The following NAV2 variants were observed in gnomAD, a reference collection of about 807,000 sequenced individuals.
The protein encoded by NAV2 is neuron navigator 2, also known as helicase, APC down-regulated 1.
In NAV2, 54 loss-of-function variants were observed where a neutral mutation model predicts 223.2. The observed-to-expected ratio is 0.24, with a 90% CI of 0.19 to 0.30. NAV2 has a LOEUF of 0.30. Ranked by LOEUF, NAV2 falls within the 10% of genes least tolerant of loss-of-function variation. NAV2 has a pLI of 1.00. For synonymous variants in NAV2, 1,279 were observed against 1,239.3 expected (o/e 1.03, Z -0.67); for missense variants, 2,806 against 3,147.5 (o/e 0.89, Z 2.60).
intron 1 of NAV2, among the ~76,000 whole-genome samples, chr11:19,555,839 ACCCAGCCCCAGC>A (rs776233000): frequency 2.0e-5 from 3 of 150,286 alleles, no homozygotes; most frequent in Admixed American, 1.3e-4. Context: ...CCTCGAGCCC[ACCCAGCCCCAGC>A]CCCAGCCCCA....
At chr11:19,771,010 G>A (rs567367435) in intron 1 of NAV2, among the ~76,000 whole-genome samples, 2 of 152,198 alleles carry the variant, frequency 1.3e-5, no homozygotes, top group Non-Finnish European at 2.9e-5. Flanking sequence ...ATGGTACAGT[G>A]GAAAGGGGTC....
intron 11 of NAV2, among the ~76,000 whole-genome samples, chr11:20,029,134 C>T (rs1448403373): frequency 6.6e-6 from 1 of 152,182 alleles, no homozygotes; most frequent in Admixed American, 6.5e-5. Context: ...TCCAGTGTGC[C>T]CACTTGCCTT....
chr11:19,918,409 T>G (rs1468937302), intron 6 of NAV2, among the ~76,000 whole-genome samples: 1 of 152,270 alleles, frequency 6.6e-6, no homozygotes, highest in Non-Finnish European at 1.5e-5. Context: ...AAATGAGAGT[T>G]GAGTCTGCAT....
intron 11 of NAV2, among the ~76,000 whole-genome samples, chr11:20,010,108 T>C (rs1054587809): frequency 2.6e-5 from 4 of 152,210 alleles, no homozygotes; most frequent in African/African-American, 9.6e-5. Flanking sequence ...AGCTCCAGTC[T>C]GTATAGCTCA....
chr11:19,768,233 T>C (rs921807360), intron 1 of NAV2, among the ~76,000 whole-genome samples: 20 of 152,272 alleles, frequency 1.3e-4, no homozygotes, highest in Non-Finnish European at 2.5e-4. Context: ...AGGCTGTTTT[T>C]TTCCATGTTC....
chr11:19,974,605 G>C (rs1454218439), intron 10 of NAV2, among the ~76,000 whole-genome samples: 1 of 152,174 alleles, frequency 6.6e-6, no homozygotes, highest in Non-Finnish European at 1.5e-5. Flanking sequence ...AATGTGGCAA[G>C]ACTCCATCTC....
At chr11:19,515,050 C>A (rs181429680) in intron 1 of NAV2, among the ~76,000 whole-genome samples, 2 of 152,092 alleles carry the variant, frequency 1.3e-5, no homozygotes, top group Non-Finnish European at 2.9e-5. Flanking sequence ...GTTTGGGTAC[C>A]GGCTCTGAAT....
chr11:19,587,425 T>G (rs1255932121), intron 1 of NAV2, among the ~76,000 whole-genome samples: 1 of 152,190 alleles, frequency 6.6e-6, no homozygotes, highest in East Asian at 1.9e-4. Flanking sequence ...ATGAACCTGG[T>G]ACTTCAGTTG....
At chr11:19,916,479 CTT>C (rs1339199412) in intron 6 of NAV2, among the ~76,000 whole-genome samples, 4 of 152,250 alleles carry the variant, frequency 2.6e-5, no homozygotes, top group Non-Finnish European at 5.9e-5. Flanking sequence ...TAGAACATCT[CTT>C]TTCAGTTTAA....
chr11:19,463,977 A>G (rs537771567), intron 1 of NAV2, among the ~76,000 whole-genome samples: 91 of 152,344 alleles, frequency 6.0e-4, no homozygotes, highest in South Asian at 1.7e-3. Context: ...GAACTGATAC[A>G]GATTAACCTG....
intron 1 of NAV2, among the ~76,000 whole-genome samples, chr11:19,430,353 C>G (rs1232521125): frequency 6.6e-6 from 1 of 152,216 alleles, no homozygotes; most frequent in African/African-American, 2.4e-5. Flanking sequence ...CTAAAGCTGA[C>G]CCGTTTGGTG....
At chr11:19,636,336 C>T (rs117270337) in intron 1 of NAV2, among the ~76,000 whole-genome samples, 1 of 152,256 alleles carries the variant, frequency 6.6e-6, no homozygotes, top group Non-Finnish European at 1.5e-5. Context: ...TGACTATACT[C>T]AAACCACCTT....
intron 24 of NAV2, 39 bp from the exon 25 acceptor site, chr11:20,080,025 A>G: frequency 6.2e-7 from 1 of 1,608,250 alleles, no homozygotes; most frequent in Non-Finnish European, 8.5e-7. Flanking sequence ...AATAGGGCTC[A>G]GGTTGGCAGC....
At chr11:19,620,286 A>G (rs1228935456) in intron 1 of NAV2, among the ~76,000 whole-genome samples, 2 of 152,106 alleles carry the variant, frequency 1.3e-5, no homozygotes, top group African/African-American at 2.4e-5. Context: ...GTTTTTTCCA[A>G]TTCTGTGAAA....
intron 1 of NAV2, among the ~76,000 whole-genome samples, chr11:19,417,115 G>A (rs1160756939): frequency 6.6e-6 from 1 of 152,158 alleles, no homozygotes; most frequent in Non-Finnish European, 1.5e-5. Context: ...TTAAACTAAA[G>A]AGCTTCTGCA....
rs11025311 is a variant in NAV2, at chr11:19,881,625, G to A, written c.770+1498G>A. Among the ~76,000 whole-genome samples, 20 of 152,272 alleles carry A rather than the reference G, an allele frequency of 1.3e-4. No individual in the cohort carries two copies. In the East Asian group the frequency reaches 2.7e-3, roughly 21 times the overall value. ...CATTTGTTTATTTAATTGGTATTAA[G>A]CCTCCCACATGCCAGACACTGTTCT... On this transcript the variant is annotated intron_variant, in intron 5 of 37. Transcript: ENST00000349880.
chr11:19,544,230 C>T lies in NAV2; in HGVS notation c.75+193203C>T, dbSNP rs573267362. ...CCGAGTGATTGAAGGAGAATGAGAA[C>T]GAGATGGACTTTGGTCCTAGACTCT... is the stretch of plus-strand genomic sequence containing the variant. On this transcript the variant is annotated intron_variant, in intron 1 of 37. Coordinates refer to the NAV2 transcript ENST00000360655. Among the ~76,000 whole-genome samples the T allele has an allele frequency of 5.9e-5, 9 of 152,304 alleles. No individual in the cohort carries two copies. The South Asian group carries it at 6.2e-4, about 11-fold the overall frequency.
At chr11:19,438,297 C>T (rs1362749371) in intron 1 of NAV2, among the ~76,000 whole-genome samples, 3 of 152,120 alleles carry the variant, frequency 2.0e-5, no homozygotes, top group Non-Finnish European at 2.9e-5. Flanking sequence ...CTGAGGCTTC[C>T]GAAGATTAAG....
At position 19,859,137 on chromosome 11, in the gene NAV2, C is replaced by CTTTTTTTTTTTTTTTTTT. The variant is rs569446282; in HGVS notation, c.439-9783_439-9766dup. ...ATGGAGGAGTCCAAAATCATATTCT[C>CTTTTTTTTTTTTTTTTTT]TTTTTTTTTTTTTTTTTTTTTTATT... On this transcript the variant is annotated intron_variant, in intron 3 of 37. Transcript: ENST00000349880. Among the ~76,000 whole-genome samples, 819 of 106,844 alleles carry CTTTTTTTTTTTTTTTTTT rather than the reference C, an allele frequency of 7.7e-3. 21 individuals carry two copies. The highest frequency in any genetic ancestry group is 0.011 in the Non-Finnish European group (594 of 52,670). The allele number at this position is 106,844 out of a possible 152,430, so 70.1% of individuals were successfully genotyped here.
Sources: allele counts gnomAD v4.1 joint callset (sites outside exome capture counted in the v4.1 genomes callset), GRCh38; gene constraint gnomAD v4.1.1; transcripts MANE v1.5; gene names NCBI Gene and HGNC (gene_info 2026-07-23, HGNC 2026-07-21).